The following METAP1D variants were observed in gnomAD, a reference collection of about 807,000 sequenced individuals.
The protein encoded by METAP1D is methionyl aminopeptidase type 1D, mitochondrial, also known as methionine aminopeptidase 1D, mitochondrial.
METAP1D carries 31 observed loss-of-function variants against 40.5 expected under a neutral mutation model. The ratio of observed to expected loss-of-function variants is 0.77; its 90% CI spans 0.58 to 1.03. The LOEUF (loss-of-function observed/expected upper bound fraction) is 1.03, where lower values mean the gene tolerates loss of function less well. Ranked by LOEUF, METAP1D falls within the 50% of genes least tolerant of loss-of-function variation. The pLI is 0.00. For synonymous variants in METAP1D, 151 were observed against 146.4 expected (o/e 1.03, Z -0.22); for missense variants, 411 against 420.7 (o/e 0.98, Z 0.20).
At chr2:172,053,383 C>T (rs933999483) in intron 1 of METAP1D, among the ~76,000 whole-genome samples, 2 of 152,196 alleles carry the variant, frequency 1.3e-5, no homozygotes, top group African/African-American at 4.8e-5. Context: ...AAAAATGTAT[C>T]AGATTGCTGT....
At chr2:172,058,122 T>A (rs966105356) in intron 1 of METAP1D, among the ~76,000 whole-genome samples, 2 of 152,262 alleles carry the variant, frequency 1.3e-5, no homozygotes, top group Admixed American at 1.3e-4. Context: ...AACTCCTGAG[T>A]AGCTGGACTA....
At chr2:172,023,857 CT>C (rs11355201) in intron 1 of METAP1D, among the ~76,000 whole-genome samples, 76 of 139,120 alleles carry the variant, frequency 5.5e-4, no homozygotes, top group Admixed American at 5.1e-4. Flanking sequence ...CTGTAAAATT[CT>C]TTTTTTTTTT....
intron 1 of METAP1D, among the ~76,000 whole-genome samples, chr2:172,010,128 G>GT (rs896380615): frequency 1.3e-5 from 2 of 150,604 alleles, no homozygotes; most frequent in Non-Finnish European, 3.0e-5. Flanking sequence ...TTGTGGAGGG[G>GT]TTTTTTGTCC....
chr2:172,066,610 G>A (rs921150957), intron 5 of METAP1D, among the ~76,000 whole-genome samples: 2 of 152,238 alleles, frequency 1.3e-5, no homozygotes, highest in Non-Finnish European at 1.5e-5. Flanking sequence ...GATCCACTGT[G>A]TAGTTAACGC....
chr2:172,062,176 C>G (rs1338740067), intron 2 of METAP1D, among the ~76,000 whole-genome samples: 6 of 151,874 alleles, frequency 4.0e-5, no homozygotes, highest in Non-Finnish European at 8.8e-5. Context: ...GAAAGGCAAT[C>G]TATCCATTTT....
At chr2:172,071,109 A>G in intron 6 of METAP1D, 39 bp downstream of exon 6, 1 of 1,558,720 alleles carries the variant, frequency 6.4e-7, no homozygotes, top group South Asian at 1.2e-5. Context: ...GGGTTGGCAA[A>G]TGGTACAAAG....
chr2:172,068,407 ATAAAT>A (rs1247012980), intron 5 of METAP1D, among the ~76,000 whole-genome samples: 1 of 152,140 alleles, frequency 6.6e-6, no homozygotes, highest in Non-Finnish European at 1.5e-5. Flanking sequence ...AAATAAATAA[ATAAAT>A]AAATGAAGTA....
chr2:172,020,560 C>A (rs966138773), intron 1 of METAP1D, among the ~76,000 whole-genome samples: 1 of 152,160 alleles, frequency 6.6e-6, no homozygotes, highest in African/African-American at 2.4e-5. Flanking sequence ...TTCACTAGTT[C>A]TAAAACTATT....
chr2:172,069,730 C>T (rs551200691), intron 5 of METAP1D, among the ~76,000 whole-genome samples: 6 of 152,142 alleles, frequency 3.9e-5, no homozygotes, highest in East Asian at 1.9e-4. Context: ...AGAAAACACT[C>T]GATTAGAAGC....
intron 1 of METAP1D, among the ~76,000 whole-genome samples, chr2:172,001,618 C>T (rs993214096): frequency 1.6e-4 from 24 of 151,900 alleles, no homozygotes; most frequent in Admixed American, 1.4e-3. Flanking sequence ...GGTTGGTAAT[C>T]GAATAGACTT....
At chr2:172,004,153 G>T (rs541509729) in intron 1 of METAP1D, among the ~76,000 whole-genome samples, 1 of 152,240 alleles carries the variant, frequency 6.6e-6, no homozygotes, top group African/African-American at 2.4e-5. Context: ...CTCCTCCACT[G>T]AGAATTTTGT....
At chr2:172,038,300 C>T (rs1689440390) in intron 1 of METAP1D, among the ~76,000 whole-genome samples, 1 of 152,158 alleles carries the variant, frequency 6.6e-6, no homozygotes, top group African/African-American at 2.4e-5. Context: ...ACTGGGCTAG[C>T]TGAGAACTTA....
rs1311668590 is a variant in METAP1D, at chr2:172,021,010, A to G, written c.40+21001A>G. Among the ~76,000 whole-genome samples, 2 of 151,940 alleles carry G rather than the reference A, an allele frequency of 1.3e-5. 1 individual carries two copies. Among genetic ancestry groups the G allele is most frequent in the African/African-American group, 4.8e-5 (2 of 41,366 alleles). On this transcript the variant is annotated intron_variant, in intron 1 of 9. Transcript: ENST00000315796. ...GTCAAAAGTAAATTGTGTTTATATA[A>G]TTTTTTTTACTACTATTAAAAAAAG... is the stretch of plus-strand genomic sequence containing the variant.
At chr2:172,000,188 A>G (rs1474780051) in intron 1 of METAP1D, among the ~76,000 whole-genome samples, 179 bp downstream of exon 1, 2 of 152,206 alleles carry the variant, frequency 1.3e-5, no homozygotes, top group Non-Finnish European at 2.9e-5. Flanking sequence ...AGGATCACAC[A>G]TACAAATTTG....
Position 172,081,552 on chromosome 2 carries a change from C to G in METAP1D, c.*1146C>G, listed in dbSNP as rs1452897374. On this transcript the variant is annotated 3_prime_UTR_variant, in exon 10 of 10. Transcript: ENST00000315796. Reference sequence around the variant, plus strand: ...GGGCCATTCCTGCCCGGAGCACCCTCCTTTCCCTTGCGCTTGCTCTCCGGT... The same window carrying G: ...GGGCCATTCCTGCCCGGAGCACCCTGCTTTCCCTTGCGCTTGCTCTCCGGT... 1.3e-5 allele frequency: 2 copies of G among 152,284 alleles called. No homozygotes were observed. The highest frequency in any genetic ancestry group is 2.9e-5 in the Non-Finnish European group (2 of 68,072). The allele number at this position is 152,284 out of a possible 1,614,324, so 9.4% of individuals were successfully genotyped here. A position where few individuals can be genotyped will look rare whatever the true frequency, so the allele number is the denominator to read the frequency against.
chr2:172,001,897 G>C (rs1688471943), intron 1 of METAP1D, among the ~76,000 whole-genome samples: 1 of 152,106 alleles, frequency 6.6e-6, no homozygotes, highest in African/African-American at 2.4e-5. Context: ...AGGAGTTCAA[G>C]ACCAGCCTGG....
intron 1 of METAP1D, among the ~76,000 whole-genome samples, chr2:172,024,939 A>C (rs187677274): frequency 6.6e-6 from 1 of 152,358 alleles, no homozygotes; most frequent in African/African-American, 2.4e-5. Context: ...TGAGAGGCTC[A>C]GTGATCTCAA....
At chr2:172,042,851 A>G (rs1341124104) in intron 1 of METAP1D, among the ~76,000 whole-genome samples, 82 of 6,702 alleles carry the variant, frequency 0.012, 29 homozygotes, top group East Asian at 0.12. Flanking sequence ...GTGTGTGTGT[A>G]TATATGTACA....
rs566733058 is a variant in METAP1D, at chr2:171,999,963, C to T, written c.-7C>T. On this transcript the variant is annotated 5_prime_UTR_variant, in exon 1 of 10. In the 5' UTR this introduces an upstream ATG that the reference lacks. Coordinates refer to ENST00000315796, the MANE Select transcript of METAP1D (RefSeq NM_199227.3). Reference sequence around the variant, plus strand: ...CGAGTGCTCGCGGCCACGTGACCGACGCCAACATGGCGGCGCCCAGTGGCG... The same window carrying T: ...CGAGTGCTCGCGGCCACGTGACCGATGCCAACATGGCGGCGCCCAGTGGCG... 227 of 1,372,442 alleles carry T rather than the reference C, an allele frequency of 1.7e-4. No homozygotes were observed. The highest frequency in any genetic ancestry group is 2.3e-4 in the Middle Eastern group (1 of 4,272). 85.0% of individuals were successfully genotyped at this position (1,372,442 alleles called of 1,614,324 possible).
Sources: allele counts gnomAD v4.1 joint callset (sites outside exome capture counted in the v4.1 genomes callset), GRCh38; gene constraint gnomAD v4.1.1; transcripts MANE v1.5; gene names NCBI Gene and HGNC (gene_info 2026-07-23, HGNC 2026-07-21).